The following SUSD6 variants were observed in gnomAD, a reference collection of about 807,000 sequenced individuals.
SUSD6 encodes the protein sushi domain containing 6, also known as sushi domain-containing protein 6.
A neutral mutation model predicts 28.4 loss-of-function variants in SUSD6; 16 were observed. The ratio of observed to expected loss-of-function variants is 0.56; its 90% CI spans 0.38 to 0.86. The LOEUF (loss-of-function observed/expected upper bound fraction) is 0.86, where lower values mean the gene tolerates loss of function less well. Ranked by LOEUF, SUSD6 falls within the 40% of genes least tolerant of loss-of-function variation. The pLI is 0.00. For synonymous variants in SUSD6, 147 were observed against 159.6 expected, an observed-to-expected ratio of 0.92 and a Z score of 0.59; for missense variants, 341 against 384.2, an observed-to-expected ratio of 0.89 and a Z score of 0.94.
rs1443002446 is a variant in SUSD6, at chr14:69,654,650, CAT to C, written c.-80-3862_-80-3861del. 2.6e-5 allele frequency among the ~76,000 whole-genome samples: 4 copies of C among 152,072 alleles called. No individual in the cohort carries two copies. The East Asian group carries it at 7.7e-4, about 29-fold the overall frequency. On this transcript the variant is annotated intron_variant, in intron 1 of 5. Coordinates refer to ENST00000342745, the MANE Select transcript of SUSD6 (RefSeq NM_014734.4). ...TAACATTTTGTTTGAATAGATAATA[CAT>C]GTACAAAGTACAACACTCAATATAG...
intron 1 of SUSD6, among the ~76,000 whole-genome samples, chr14:69,638,006 A>C (rs980820608): frequency 6.6e-6 from 1 of 151,884 alleles, no homozygotes; most frequent in Non-Finnish European, 1.5e-5. Flanking sequence ...TGCTAGGAGA[A>C]CTCTTGCTGT....
intron 1 of SUSD6, among the ~76,000 whole-genome samples, chr14:69,616,028 AT>A (rs1884955164): frequency 6.6e-6 from 1 of 152,152 alleles, no homozygotes; most frequent in Admixed American, 6.6e-5. Flanking sequence ...GTTTTATTTT[AT>A]TTTATTTTTT....
intron 2 of SUSD6, among the ~76,000 whole-genome samples, chr14:69,683,190 A>G (rs1031374563): frequency 1.3e-5 from 2 of 152,142 alleles, no homozygotes; most frequent in East Asian, 1.9e-4. Flanking sequence ...GGGGTCTGGA[A>G]TGGGGTGTAG....
At chr14:69,620,894 A>T (rs897722265) in intron 1 of SUSD6, among the ~76,000 whole-genome samples, 2 of 152,230 alleles carry the variant, frequency 1.3e-5, no homozygotes, top group Non-Finnish European at 2.9e-5. Context: ...TAAGAGGATC[A>T]GTGGCATGAA....
chr14:69,615,706 A>T (rs1006804914), intron 1 of SUSD6: 4 of 152,214 alleles, frequency 2.6e-5, no homozygotes, highest in African/African-American at 9.7e-5. Context: ...AAGGTACTGG[A>T]TACAGCGACA....
intron 1 of SUSD6, among the ~76,000 whole-genome samples, chr14:69,653,634 A>T (rs915454823): frequency 1.3e-5 from 2 of 151,930 alleles, no homozygotes; most frequent in African/African-American, 4.8e-5. Context: ...TTTTTTAATT[A>T]GGAGGAGTAG....
chr14:69,689,805 A>G lies in SUSD6; in HGVS notation c.122-13590A>G, dbSNP rs1886128415. Among the ~76,000 whole-genome samples, 3 of 152,166 alleles carry G rather than the reference A, an allele frequency of 2.0e-5. No individual in the cohort carries two copies. The South Asian group carries it at 6.2e-4, about 32-fold the overall frequency. ...CAAGCCCTCCCGAGTAGCTGGAATT[A>G]CAGGTGTGTGCCACGTTGCCTGGCT... On this transcript the variant is annotated intron_variant, in intron 2 of 5. Coordinates refer to ENST00000342745, the MANE Select transcript of SUSD6 (RefSeq NM_014734.4).
chr14:69,619,588 C>T (rs1313318310), intron 1 of SUSD6, among the ~76,000 whole-genome samples: 1 of 147,128 alleles, frequency 6.8e-6, no homozygotes, highest in East Asian at 2.0e-4. Flanking sequence ...TGAGAGTCCA[C>T]ATCTCTACAG....
At chr14:69,692,059 A>G (rs1307904203) in intron 2 of SUSD6, among the ~76,000 whole-genome samples, 2 of 151,690 alleles carry the variant, frequency 1.3e-5, no homozygotes, top group African/African-American at 4.8e-5. Flanking sequence ...AAAAAAAAGA[A>G]GTCATGTGTT....
chr14:69,632,611 CCCCCTTGCA>C (rs1885211274), intron 1 of SUSD6, among the ~76,000 whole-genome samples: 1 of 151,580 alleles, frequency 6.6e-6, no homozygotes, highest in Non-Finnish European at 1.5e-5. Context: ...TCCCCCTTTA[CCCCCTTGCA>C]AATGAGAATT....
intron 2 of SUSD6, among the ~76,000 whole-genome samples, chr14:69,659,827 T>C (rs1885636851): frequency 6.6e-6 from 1 of 152,194 alleles, no homozygotes; most frequent in Non-Finnish European, 1.5e-5. Flanking sequence ...CCATTGAACC[T>C]TTTTGAGTTT....
At chr14:69,619,898 C>A (rs1349522652) in intron 1 of SUSD6, among the ~76,000 whole-genome samples, 1 of 152,230 alleles carries the variant, frequency 6.6e-6, no homozygotes, top group African/African-American at 2.4e-5. Context: ...GTCTCGACTT[C>A]CTTGGGCTTA....
intron 4 of SUSD6, among the ~76,000 whole-genome samples, chr14:69,708,350 G>A (rs1886413330): frequency 6.6e-6 from 1 of 152,152 alleles, no homozygotes; most frequent in Non-Finnish European, 1.5e-5. Flanking sequence ...AGGGTAAAAG[G>A]GCCAGGTGCC....
chr14:69,620,633 C>T (rs1244646476), intron 1 of SUSD6, among the ~76,000 whole-genome samples: 1 of 152,134 alleles, frequency 6.6e-6, no homozygotes, highest in Non-Finnish European at 1.5e-5. Flanking sequence ...CCACAGTCAT[C>T]CTGGAAGGGA....
chr14:69,658,750 A>G (rs900793323), intron 2 of SUSD6, 37 bp downstream of exon 2: 6 of 1,613,202 alleles, frequency 3.7e-6, no homozygotes, highest in South Asian at 2.2e-5. Flanking sequence ...TGGGTGGGAA[A>G]ATATTTAATA....
Position 69,658,522 on chromosome 14 carries a change from C to A in SUSD6, c.-71C>A. On this transcript the variant is annotated 5_prime_UTR_variant, in exon 2 of 6. Transcript: ENST00000342745. ...TGTTTGTTTGTTACAGGTGAATCAGCTCCCGGCCGACTTTAGGATTCTTCT... is the reference window on the plus strand; with the variant it reads ...TGTTTGTTTGTTACAGGTGAATCAGATCCCGGCCGACTTTAGGATTCTTCT... 2 of 1,536,386 alleles carry A rather than the reference C, an allele frequency of 1.3e-6. No individual in the cohort carries two copies. Among genetic ancestry groups the A allele is most frequent in the Non-Finnish European group, 1.8e-6 (2 of 1,120,406 alleles).
intron 1 of SUSD6, among the ~76,000 whole-genome samples, chr14:69,619,398 C>T (rs981453884): frequency 5.3e-5 from 8 of 152,168 alleles, no homozygotes; most frequent in Admixed American, 3.9e-4. Context: ...TTTAAAAAAT[C>T]GGTGTAGTTG....
chr14:69,690,224 G>C (rs1886134430), intron 2 of SUSD6, among the ~76,000 whole-genome samples: 1 of 152,186 alleles, frequency 6.6e-6, no homozygotes, highest in African/African-American at 2.4e-5. Flanking sequence ...TCCTCACCCT[G>C]ATAAATAAGC....
chr14:69,690,653 A>G (rs1280214728), intron 2 of SUSD6, among the ~76,000 whole-genome samples: 1 of 152,176 alleles, frequency 6.6e-6, no homozygotes, highest in Non-Finnish European at 1.5e-5. Context: ...TGCAAAGGAA[A>G]CCAAGAAGGC....
Sources: gnomAD v4.1 joint callset for allele counts (sites outside exome capture counted in the v4.1 genomes callset) on GRCh38, gnomAD v4.1.1 for gene constraint, MANE v1.5 for transcripts, NCBI Gene and HGNC (gene_info 2026-07-23, HGNC 2026-07-21) for gene names.